The following GOSR1 variants were observed in gnomAD, a reference collection of about 807,000 sequenced individuals.
GOSR1 encodes golgi SNAP receptor complex member 1, also known as 28 kDa Golgi SNARE protein.
GOSR1 carries 21 observed loss-of-function variants against 35.5 expected under a neutral mutation model. That is an observed-to-expected ratio of 0.59 (90% CI 0.42 to 0.85). The LOEUF is 0.85. Ranked by LOEUF, GOSR1 falls within the 40% of genes least tolerant of loss-of-function variation. GOSR1 has a pLI of 0.00. For synonymous variants in GOSR1, 94 were observed against 106.6 expected, an observed-to-expected ratio of 0.88 and a Z score of 0.73; for missense variants, 285 against 309.6, an observed-to-expected ratio of 0.92 and a Z score of 0.60.
At chr17:30,490,854 A>G (rs1389992016) in intron 5 of GOSR1, among the ~76,000 whole-genome samples, 1 of 152,102 alleles carries the variant, frequency 6.6e-6, no homozygotes, top group Admixed American at 6.6e-5. Context: ...TTTTTTTACA[A>G]CTGAACACTA....
rs370666769 is a variant in GOSR1 at position 30,492,692 on chromosome 17, G to A, written c.448G>A (p.Gly150Arg). The A allele has an allele frequency of 6.3e-7, 1 of 1,591,614 alleles. No homozygotes were observed. Among genetic ancestry groups the A allele is most frequent in the Non-Finnish European group, 8.6e-7 (1 of 1,160,894 alleles). ...VRKDIESYKSGSGVNNRRTEL... is the reference protein window; with the variant it reads ...VRKDIESYKSRSGVNNRRTEL... Reference sequence around the variant, plus strand: ...CTTTTGTCCCAGGTCATATAAAAGTGGGTCTGGAGTAAACAACAGAAGAAC... The same window carrying A: ...CTTTTGTCCCAGGTCATATAAAAGTAGGTCTGGAGTAAACAACAGAAGAAC... The change falls in exon 6 of 9, where the codon GGG becomes AGG. Residue 150 changes from glycine to arginine, a missense_variant. Gly to Arg is a moderately radical substitution (Grantham distance 125, BLOSUM62 -2). Coordinates refer to ENST00000451249, the MANE Select transcript of GOSR1 (RefSeq NM_001007025.2).
intron 4 of GOSR1, 141 bp downstream of exon 4, chr17:30,484,911 CT>C: frequency 1.5e-6 from 1 of 679,662 alleles, no homozygotes. Context: ...GCTAAAGGGA[CT>C]TGTTTTACTT....
chr17:30,500,555 T>C (rs942901992), intron 6 of GOSR1, among the ~76,000 whole-genome samples: 1 of 152,236 alleles, frequency 6.6e-6, no homozygotes, highest in African/African-American at 2.4e-5. Flanking sequence ...CTTGCTAGTT[T>C]ATTTCTGAAC....
Position 30,522,440 on chromosome 17 carries a change from A to G in GOSR1, c.*62A>G. 7.2e-7 allele frequency: 1 copy of G among 1,381,454 alleles called. No homozygotes were observed. The allele number at this position is 1,381,454 out of a possible 1,614,324, so 85.6% of individuals were successfully genotyped here. A position where few individuals can be genotyped will look rare whatever the true frequency, so the allele number is the denominator to read the frequency against. On this transcript the variant is annotated 3_prime_UTR_variant, in exon 9 of 9. Transcript: ENST00000451249. ...TCACACCCTGGTCTGGAATAAGGAA[A>G]CATCGGAGGGAGAAGTTGACTGTCT...
chr17:30,499,610 G>C (rs1177241220), intron 6 of GOSR1, among the ~76,000 whole-genome samples: 1 of 152,162 alleles, frequency 6.6e-6, no homozygotes, highest in Non-Finnish European at 1.5e-5. Context: ...CAAAGTGCTG[G>C]GATTACAGGC....
At chr17:30,494,073 T>C (rs1966901388) in intron 6 of GOSR1, among the ~76,000 whole-genome samples, 1 of 152,166 alleles carries the variant, frequency 6.6e-6, no homozygotes, top group African/African-American at 2.4e-5. Context: ...ATGTTTAAGC[T>C]TTTGCTTCTT....
At chr17:30,481,399 T>C (rs978947712) in intron 2 of GOSR1, 142 bp downstream of exon 2, 12 of 519,154 alleles carry the variant, frequency 2.3e-5, no homozygotes, top group African/African-American at 1.7e-4. Context: ...TGTTTTATTT[T>C]TTAGTGACTT....
chr17:30,502,615 G>A (rs1187810380), intron 6 of GOSR1, among the ~76,000 whole-genome samples: 1 of 152,090 alleles, frequency 6.6e-6, no homozygotes, highest in African/African-American at 2.4e-5. Context: ...CTGTCTCCCG[G>A]TAACTTGCTG....
chr17:30,504,083 A>G (rs1348386035), intron 6 of GOSR1, among the ~76,000 whole-genome samples: 2 of 150,202 alleles, frequency 1.3e-5, no homozygotes, highest in African/African-American at 2.5e-5. Context: ...CTGGAGTGCA[A>G]TGGCACGATC....
chr17:30,520,003 A>C lies in GOSR1; in HGVS notation c.604A>C (p.Lys202Gln), dbSNP rs1368533968. The part of the protein sequence containing the change: ...QRGMLKSIHS[K>Q]MNTLANRFPA... ...AGGAATGTTGAAGTCAATTCACAGC[A>C]AAATGAACACTTTGGCCAGTATCCT... Residue 202 changes from lysine to glutamine, a missense_variant, in exon 8 of 9, where the codon AAA becomes CAA. By Grantham distance (53) the Lys-to-Gln change is moderately conservative. Around this residue, in one of 3 missense-constraint regions of GOSR1, gnomAD observed 168 missense variants for 183.2 expected, o/e 0.92. Transcript: ENST00000451249. 13 of 1,605,342 alleles carry C rather than the reference A, an allele frequency of 8.1e-6. No individual in the cohort carries two copies. Among genetic ancestry groups the C allele is most frequent in the Non-Finnish European group, 1.0e-5 (12 of 1,172,372 alleles).
chr17:30,483,192 C>A (rs184998832), intron 2 of GOSR1: 5 of 150,710 alleles, frequency 3.3e-5, no homozygotes, highest in African/African-American at 1.2e-4. Flanking sequence ...CATTACCCAC[C>A]TATAAGATGA....
intron 2 of GOSR1, among the ~76,000 whole-genome samples, chr17:30,482,404 G>A (rs1472301743): frequency 2.0e-5 from 3 of 152,156 alleles, no homozygotes; most frequent in African/African-American, 4.8e-5. Context: ...TTCATTATAT[G>A]TTAGGTAAGA....
At chr17:30,519,691 G>T in intron 7 of GOSR1, 1 of 337,636 alleles carries the variant, frequency 3.0e-6, no homozygotes, top group Non-Finnish European at 5.3e-6. Flanking sequence ...TATTTTGTTT[G>T]TTATTTTGAA....
chr17:30,485,270 AT>A (rs1324966154), intron 4 of GOSR1: 4,930 of 162,894 alleles, frequency 0.03, 3 homozygotes, highest in South Asian at 0.082. Flanking sequence ...TAGGAAGGCA[AT>A]TTTTTTTTTT....
At chr17:30,515,860 G>A (rs894176202) in intron 7 of GOSR1, among the ~76,000 whole-genome samples, 2 of 152,098 alleles carry the variant, frequency 1.3e-5, no homozygotes, top group Non-Finnish European at 2.9e-5. Flanking sequence ...TTCTAGAATA[G>A]GCCTAAAAGT....
At chr17:30,494,799 G>C (rs1171240629) in intron 6 of GOSR1, among the ~76,000 whole-genome samples, 1 of 151,502 alleles carries the variant, frequency 6.6e-6, no homozygotes, top group East Asian at 1.9e-4. Context: ...GTAGAGATGG[G>C]GTTTCACTCT....
At chr17:30,485,493 T>C (rs1314598605) in intron 4 of GOSR1, among the ~76,000 whole-genome samples, 2 of 152,062 alleles carry the variant, frequency 1.3e-5, no homozygotes, top group Non-Finnish European at 2.9e-5. Context: ...GGTCTCTAAC[T>C]CCTGTGTTCA....
At chr17:30,519,853 G>C in intron 7 of GOSR1, 86 bp from the exon 8 acceptor site, 1 of 794,656 alleles carries the variant, frequency 1.3e-6, no homozygotes, top group Non-Finnish European at 2.1e-6. Flanking sequence ...GTTGCTCACT[G>C]TAGTTTTCTT....
intron 1 of GOSR1, chr17:30,479,724 G>C (rs963171741): frequency 3.9e-5 from 6 of 152,308 alleles, no homozygotes; most frequent in East Asian, 3.9e-4. Flanking sequence ...TAGCTAGGAT[G>C]GTCTTGATCT....
Sources: gnomAD v4.1 joint callset for allele counts (sites outside exome capture counted in the v4.1 genomes callset) on GRCh38, gnomAD v4.1.1 for gene constraint, gnomAD v4.1.1 regional missense constraint, MANE v1.5 for transcripts, NCBI Gene and HGNC (gene_info 2026-07-23, HGNC 2026-07-21) for gene names.